CNOT4: variants seen among roughly 807,000 people sequenced by gnomAD.
The protein encoded by CNOT4 is CCR4-associated factor 4.
In CNOT4, 8 loss-of-function variants were observed where a neutral mutation model predicts 73.8. The observed-to-expected ratio is 0.11, with a 90% confidence interval of 0.06 to 0.20. CNOT4 has a LOEUF of 0.20. Ranked by LOEUF, CNOT4 falls within the 10% of genes least tolerant of loss-of-function variation. The pLI, the probability that CNOT4 is intolerant of heterozygous loss-of-function variation, is 1.00. For synonymous variants in CNOT4, 293 were observed against 321.1 expected (o/e 0.91, Z 0.94); for missense variants, 564 against 883.4 (o/e 0.64, Z 4.58).
At chr7:135,368,903 T>G (rs1344635522) in intron 10 of CNOT4, among the ~76,000 whole-genome samples, 1 of 152,214 alleles carries the variant, frequency 6.6e-6, no homozygotes, top group Non-Finnish European at 1.5e-5. Context: ...GGTATCTTTC[T>G]GTTCTCCAGG....
chr7:135,470,957 A>G (rs1220212677), intron 1 of CNOT4, among the ~76,000 whole-genome samples: 1 of 152,192 alleles, frequency 6.6e-6, no homozygotes, highest in East Asian at 1.9e-4. Context: ...AAGATTATGT[A>G]TTTCATTGTA....
At chr7:135,480,967 T>G (rs992346605) in intron 1 of CNOT4, among the ~76,000 whole-genome samples, 1 of 147,942 alleles carries the variant, frequency 6.8e-6, no homozygotes, top group Non-Finnish European at 1.5e-5. Flanking sequence ...ATTAAAGACT[T>G]AAACGTAAGA....
chr7:135,382,736 C>T (rs771934423), intron 10 of CNOT4, among the ~76,000 whole-genome samples: 3 of 152,188 alleles, frequency 2.0e-5, no homozygotes, highest in Non-Finnish European at 2.9e-5. Context: ...CAACTATTTA[C>T]ATAGCACTTA....
At chr7:135,460,231 C>T (rs1800796062) in intron 1 of CNOT4, among the ~76,000 whole-genome samples, 1 of 152,212 alleles carries the variant, frequency 6.6e-6, no homozygotes, top group Non-Finnish European at 1.5e-5. Flanking sequence ...TTCATGTGTT[C>T]ACTGGAGTAG....
At chr7:135,446,513 G>A (rs889785684) in intron 1 of CNOT4, among the ~76,000 whole-genome samples, 5 of 152,046 alleles carry the variant, frequency 3.3e-5, no homozygotes, top group Non-Finnish European at 5.9e-5. Context: ...ATAAAATTTT[G>A]AAATGATTAC....
chr7:135,422,567 C>A lies in CNOT4; in HGVS notation c.175-214G>T, dbSNP rs144333094. The stretch of plus-strand genomic sequence containing the variant: ...AAAATTTTTTGGAGCTTAGCACAGA[C>A]CACTTTTAGTGCTAAAACATCTACG... On this transcript the variant is annotated intron_variant, in intron 2 of 11. Transcript: ENST00000541284. 4.3e-4 allele frequency among the ~76,000 whole-genome samples: 66 copies of A among 152,074 alleles called. No homozygotes were observed. In the East Asian group the frequency reaches 0.012, roughly 27 times the overall value.
At chr7:135,380,259 T>A (rs202187271) in intron 10 of CNOT4, among the ~76,000 whole-genome samples, 1 of 152,228 alleles carries the variant, frequency 6.6e-6, no homozygotes, top group African/African-American at 2.4e-5. Context: ...GCCATTACTA[T>A]AAGTTTTTTT....
intron 2 of CNOT4, among the ~76,000 whole-genome samples, chr7:135,432,508 A>G (rs142945837): frequency 9.0e-4 from 137 of 152,332 alleles, no homozygotes; most frequent in African/African-American, 3.2e-3. Flanking sequence ...AACACCAAGT[A>G]TTCTTTTAAT....
intron 1 of CNOT4, among the ~76,000 whole-genome samples, chr7:135,457,415 T>A (rs912466660): frequency 1.3e-5 from 2 of 152,108 alleles, no homozygotes; most frequent in African/African-American, 4.8e-5. Flanking sequence ...TGCATGCTTT[T>A]GTGGAAAGAA....
intron 1 of CNOT4, among the ~76,000 whole-genome samples, chr7:135,487,262 C>G (rs1802783644): frequency 6.6e-6 from 1 of 151,366 alleles, no homozygotes; most frequent in Non-Finnish European, 1.5e-5. Context: ...TTTTTGGAGA[C>G]AGGGTCTCCC....
intron 3 of CNOT4, among the ~76,000 whole-genome samples, chr7:135,419,091 G>A (rs976098335): frequency 6.6e-6 from 1 of 151,884 alleles, no homozygotes; most frequent in East Asian, 1.9e-4. Flanking sequence ...GACTTAGAAG[G>A]TGATCATCAT....
chr7:135,435,339 G>A (rs997980090), intron 2 of CNOT4, among the ~76,000 whole-genome samples: 2 of 152,154 alleles, frequency 1.3e-5, no homozygotes, highest in Non-Finnish European at 2.9e-5. Flanking sequence ...ATTAGAACCT[G>A]TGGATCTATG....
At chr7:135,471,625 G>A (rs1801580446) in intron 1 of CNOT4, among the ~76,000 whole-genome samples, 1 of 152,182 alleles carries the variant, frequency 6.6e-6, no homozygotes, top group Non-Finnish European at 1.5e-5. Context: ...ATGTATATAT[G>A]TATGTATTTA....
intron 1 of CNOT4, among the ~76,000 whole-genome samples, chr7:135,492,906 T>G (rs984109189): frequency 2.6e-5 from 4 of 152,034 alleles, no homozygotes; most frequent in Non-Finnish European, 4.4e-5. Context: ...TATATTGAAA[T>G]TATCAAGAAT....
chr7:135,495,530 G>C (rs1319483357), intron 1 of CNOT4, among the ~76,000 whole-genome samples: 2 of 134,492 alleles, frequency 1.5e-5, no homozygotes, highest in Non-Finnish European at 3.2e-5. Context: ...AAAAAAAATA[G>C]CTGAATGTGA....
intron 10 of CNOT4, among the ~76,000 whole-genome samples, chr7:135,391,835 A>G (rs575337719): frequency 6.6e-6 from 1 of 152,198 alleles, no homozygotes; most frequent in East Asian, 1.9e-4. Context: ...AAAGATCGTC[A>G]TGTAATAAGT....
At chr7:135,392,829 A>G (rs1472250011) in intron 10 of CNOT4, among the ~76,000 whole-genome samples, 3 of 152,206 alleles carry the variant, frequency 2.0e-5, no homozygotes, top group African/African-American at 7.2e-5. Context: ...CAAAGGGAAC[A>G]GGGATAAAGA....
chr7:135,425,008 A>G (rs905385948), intron 2 of CNOT4, among the ~76,000 whole-genome samples: 9 of 152,216 alleles, frequency 5.9e-5, no homozygotes, highest in African/African-American at 2.2e-4. Context: ...AGAAACTCTC[A>G]GAGCAACTGA....
intron 8 of CNOT4, among the ~76,000 whole-genome samples, chr7:135,397,257 A>T (rs1457667937): frequency 6.6e-6 from 1 of 152,160 alleles, no homozygotes; most frequent in Non-Finnish European, 1.5e-5. Context: ...TTTTAAATGG[A>T]TGACAGGATA....
Sources: allele counts gnomAD v4.1 joint callset (sites outside exome capture counted in the v4.1 genomes callset), GRCh38; gene constraint gnomAD v4.1.1; transcripts MANE v1.5; gene names NCBI Gene and HGNC (gene_info 2026-07-23, HGNC 2026-07-21).